CD33: variants seen among roughly 807,000 people sequenced by gnomAD.
CD33 encodes myeloid cell surface antigen CD33.
CD33 carries 25 observed loss-of-function variants against 31.4 expected under a neutral mutation model. That is an observed-to-expected ratio of 0.80 (90% confidence interval 0.58 to 1.11). The LOEUF (loss-of-function observed/expected upper bound fraction) is 1.11. Among genes scored for constraint, CD33 ranks in the 50% most tolerant of loss-of-function variants. CD33 has a pLI of 0.00. For synonymous variants in CD33, 176 were observed against 180.6 expected, an observed-to-expected ratio of 0.97 and a Z score of 0.20; for missense variants, 407 against 448.1, an observed-to-expected ratio of 0.91 and a Z score of 0.83.
At chr19:51,213,999 A>T in the CD33 span, among the ~76,000 whole-genome samples, 5 of 150,888 alleles carry the variant, frequency 3.3e-5, no homozygotes, top group South Asian at 8.4e-4. Context: ...AGCTGGCATT[A>T]CAGGCATGTA....
At chr19:51,216,838 T>C in the CD33 span, among the ~76,000 whole-genome samples, 1 of 151,802 alleles carries the variant, frequency 6.6e-6, no homozygotes, top group African/African-American at 2.4e-5. Flanking sequence ...TGGGAAGAGA[T>C]TATATTTGGG....
At chr19:51,215,660 T>C in the CD33 span, among the ~76,000 whole-genome samples, 78 of 152,304 alleles carry the variant, frequency 5.1e-4, no homozygotes, top group African/African-American at 1.9e-3. Flanking sequence ...GAACCTCCCA[T>C]GTCCATCCCC....
At chr19:51,228,166 A>G (rs892741950) in intron 4 of CD33, among the ~76,000 whole-genome samples, 2 of 152,108 alleles carry the variant, frequency 1.3e-5, no homozygotes, top group Admixed American at 6.5e-5. Flanking sequence ...GAAATTTTCT[A>G]GTTTTGAAAT....
chr19:51,227,665 A>AGGTT (rs58847341), intron 4 of CD33, among the ~76,000 whole-genome samples: 319 of 152,276 alleles, frequency 2.1e-3, no homozygotes, highest in African/African-American at 6.4e-3. Flanking sequence ...CCTATTCTGT[A>AGGTT]GGTTGCCTTT....
chr19:51,235,826 C>T (rs530295634), intron 6 of CD33, 150 bp downstream of exon 6: 3 of 759,864 alleles, frequency 3.9e-6, no homozygotes, highest in East Asian at 2.7e-5. Flanking sequence ...TTTTCAGGTA[C>T]GTTGAGGCCA....
rs1981688534 is a variant in CD33 at position 51,235,175 on chromosome 19, C to T, written c.764C>T (p.Ala255Val). 1 of 1,613,826 alleles carries T rather than the reference C, an allele frequency of 6.2e-7. No homozygotes were observed. ...TCTGCAGGGAAACAAGAGACCAGAG[C>T]AGGAGTGGTTCATGGGGCCATTGGA... is the stretch of plus-strand genomic sequence containing the variant. ...GDGSGKQETR[A>V]GVVHGAIGGA... Residue 255 changes from alanine to valine, a missense_variant, in exon 5 of 7, where the codon GCA becomes GTA. Ala to Val is a moderately conservative substitution (Grantham distance 64). Transcript: ENST00000262262.
chr19:51,235,994 TA>T (rs1283324767), intron 6 of CD33: 3 of 609,944 alleles, frequency 4.9e-6, no homozygotes, highest in Non-Finnish European at 8.9e-6. Context: ...CCGTCTCTAC[TA>T]AAAATACAAA....
the CD33 span, among the ~76,000 whole-genome samples, chr19:51,213,794 C>T: frequency 6.6e-6 from 1 of 152,078 alleles, no homozygotes; most frequent in Non-Finnish European, 1.5e-5. Flanking sequence ...CCTCGGCCTC[C>T]CAAATTGCTG....
chr19:51,211,111 G>A, the CD33 span: 2 of 1,582,282 alleles, frequency 1.3e-6, no homozygotes, highest in South Asian at 1.1e-5. Context: ...CCTCAGACAT[G>A]CCACTGCTGC....
chr19:51,212,039 C>T, the CD33 span: 1 of 889,624 alleles, frequency 1.1e-6, no homozygotes, highest in Admixed American at 1.8e-5. Flanking sequence ...CTGGTGTGAC[C>T]ACGGAGAGAA....
the CD33 span, chr19:51,212,073 G>A: frequency 5.4e-6 from 4 of 742,008 alleles, no homozygotes; most frequent in African/African-American, 3.6e-5. Context: ...TGTCTCCTGT[G>A]AGTGCTGGGC....
In CD33 at chr19:51,225,237, A is replaced by G. The variant is rs752169244; in HGVS notation, c.57A>G (p.Pro19=). The G allele has an allele frequency of 6.2e-7, 1 of 1,613,452 alleles. No homozygotes were observed. The highest frequency in any genetic ancestry group is 8.5e-7 in the Non-Finnish European group (1 of 1,179,510). ...CCACAGGGGCCCTGGCTATGGATCC[A>G]AATTTCTGGCTGCAAGTGCAGGAGT... ...LLWAGALAMD[P]NFWLQVQESV... Residue 19 remains proline, a synonymous_variant, in exon 2 of 7, where the codon CCA becomes CCG. Transcript: ENST00000262262.
At chr19:51,217,352 C>T in the CD33 span, among the ~76,000 whole-genome samples, 2 of 151,922 alleles carry the variant, frequency 1.3e-5, no homozygotes, top group African/African-American at 4.8e-5. Context: ...TTCCTCTGAA[C>T]ATCTCACTCT....
upstream of CD33, among the ~76,000 whole-genome samples, chr19:51,223,105 AG>A (rs1980763812): frequency 6.6e-6 from 1 of 152,102 alleles, no homozygotes. Flanking sequence ...CTGTGATCCC[AG>A]CTACTAGAGA....
At chr19:51,211,770 T>C in the CD33 span, 2 of 788,290 alleles carry the variant, frequency 2.5e-6, no homozygotes, top group South Asian at 3.2e-5. Context: ...TTCCTGATCC[T>C]GCATCCCCGT....
chr19:51,224,547 T>A (rs1190324020), upstream of CD33, among the ~76,000 whole-genome samples: 1 of 152,202 alleles, frequency 6.6e-6, no homozygotes, highest in Admixed American at 6.5e-5. Context: ...TTCTCCGAGA[T>A]GACGGTGCTC....
the CD33 span, among the ~76,000 whole-genome samples, chr19:51,212,271 C>A: frequency 6.6e-6 from 1 of 152,054 alleles, no homozygotes; most frequent in Non-Finnish European, 1.5e-5. Context: ...CTCACCCTCA[C>A]CCCAACTGAA....
rs1341089278 is a variant in CD33, at chr19:51,227,186, G to A, written c.745+830G>A. Among the ~76,000 whole-genome samples, 3 of 152,188 alleles carry A rather than the reference G, an allele frequency of 2.0e-5. No homozygotes were observed. In the East Asian group the frequency reaches 5.8e-4, roughly 29 times the overall value. ...ATAATGCTGCAATAAACATTGAGGT[G>A]CAGACGTTTCTTCAATATACTGATT... is the stretch of plus-strand genomic sequence containing the variant. On this transcript the variant is annotated intron_variant, in intron 4 of 6. Transcript: ENST00000262262.
upstream of CD33, among the ~76,000 whole-genome samples, chr19:51,222,608 A>T (rs1198202756): frequency 6.6e-6 from 1 of 152,250 alleles, no homozygotes; most frequent in East Asian, 1.9e-4. Context: ...GTCATAGGAT[A>T]CAGACACAAA....
Sources: allele counts gnomAD v4.1 joint callset (sites outside exome capture counted in the v4.1 genomes callset), GRCh38; gene constraint gnomAD v4.1.1; transcripts MANE v1.5; gene names NCBI Gene and HGNC (gene_info 2026-07-23, HGNC 2026-07-21).